CACNA2D3: variants seen among roughly 807,000 people sequenced by gnomAD.
CACNA2D3 encodes the protein calcium voltage-gated channel auxiliary subunit alpha2delta 3, also known as voltage-dependent calcium channel subunit alpha-2/delta-3.
CACNA2D3 carries 60 observed loss-of-function variants against 160.6 expected under a neutral mutation model. That is an observed-to-expected ratio of 0.37 (90% confidence interval 0.30 to 0.46). CACNA2D3 has a LOEUF of 0.46. CACNA2D3 is among the 20% of genes least tolerant of loss of function. The pLI is 1.00. For missense variants in CACNA2D3, 1,205 were observed against 1,365.0 expected (o/e 0.88, Z 1.85); for synonymous variants, 558 against 492.9 (o/e 1.13, Z -1.75).
At chr3:54,466,692 T>G (rs1184421442) in intron 4 of CACNA2D3, among the ~76,000 whole-genome samples, 1 of 152,196 alleles carries the variant, frequency 6.6e-6, no homozygotes, top group Non-Finnish European at 1.5e-5. Context: ...TGATATAAAA[T>G]AGTTGTAAAA....
chr3:54,161,176 A>G (rs1440902296), intron 2 of CACNA2D3, among the ~76,000 whole-genome samples: 1 of 152,160 alleles, frequency 6.6e-6, no homozygotes, highest in Non-Finnish European at 1.5e-5. Context: ...CTCTGCCAAT[A>G]TTACTAACCA....
intron 31 of CACNA2D3, among the ~76,000 whole-genome samples, chr3:54,993,552 G>T (rs993470159): frequency 3.3e-5 from 5 of 152,188 alleles, no homozygotes; most frequent in Non-Finnish European, 5.9e-5. Flanking sequence ...CAAGGAAAGA[G>T]CAAGAGCCTT....
chr3:54,298,729 C>T (rs1314896079), intron 2 of CACNA2D3, among the ~76,000 whole-genome samples: 1 of 151,914 alleles, frequency 6.6e-6, no homozygotes, highest in African/African-American at 2.4e-5. Context: ...ATTACCCAAG[C>T]CTGGGAAGAT....
chr3:54,544,836 T>C (rs1702035814), intron 5 of CACNA2D3, among the ~76,000 whole-genome samples: 1 of 152,212 alleles, frequency 6.6e-6, no homozygotes, highest in African/African-American at 2.4e-5. Flanking sequence ...GTAAATGCTA[T>C]TGAAATAGCA....
At chr3:54,667,926 G>A (rs1700096353) in intron 11 of CACNA2D3, among the ~76,000 whole-genome samples, 2 of 142,688 alleles carry the variant, frequency 1.4e-5, no homozygotes, top group South Asian at 2.4e-4. Context: ...CAGCCTGGGC[G>A]ACAGAATGAG....
chr3:54,489,152 C>T (rs541545468), intron 4 of CACNA2D3, among the ~76,000 whole-genome samples: 11 of 152,090 alleles, frequency 7.2e-5, no homozygotes, highest in South Asian at 6.2e-4. Context: ...CCTCATCAGC[C>T]GTGCTAAGGA....
intron 11 of CACNA2D3, among the ~76,000 whole-genome samples, chr3:54,685,608 G>A (rs1316357650): frequency 6.6e-6 from 1 of 152,190 alleles, no homozygotes; most frequent in Non-Finnish European, 1.5e-5. Flanking sequence ...CTCTTGACTA[G>A]CAATGTAATC....
intron 4 of CACNA2D3, among the ~76,000 whole-genome samples, chr3:54,451,588 G>A (rs1421405790): frequency 6.6e-6 from 1 of 152,156 alleles, no homozygotes; most frequent in Non-Finnish European, 1.5e-5. Flanking sequence ...TCCATAGGAA[G>A]TGTGTACAGT....
At chr3:55,042,186 T>C (rs1703972629) in intron 35 of CACNA2D3, among the ~76,000 whole-genome samples, 1 of 152,166 alleles carries the variant, frequency 6.6e-6, no homozygotes, top group African/African-American at 2.4e-5. Flanking sequence ...TGTTGAAATC[T>C]TCTGTATTCT....
At chr3:54,433,398 C>T (rs141216923) in intron 4 of CACNA2D3, among the ~76,000 whole-genome samples, 225 of 152,308 alleles carry the variant, frequency 1.5e-3, no homozygotes, top group African/African-American at 5.1e-3. Context: ...CTTTCATCTT[C>T]AGATATGTCT....
intron 5 of CACNA2D3, among the ~76,000 whole-genome samples, chr3:54,513,606 T>C (rs1049641507): frequency 5.9e-5 from 9 of 152,180 alleles, no homozygotes; most frequent in African/African-American, 1.9e-4. Flanking sequence ...CCACACTGCC[T>C]CCCTATACTG....
chr3:54,400,775 G>T (rs1699445682), intron 4 of CACNA2D3, among the ~76,000 whole-genome samples: 1 of 152,182 alleles, frequency 6.6e-6, no homozygotes, highest in South Asian at 2.1e-4. Flanking sequence ...AGTCTGTAAA[G>T]TTTGGAAGAG....
chr3:54,807,282 A>G (rs962561665), intron 13 of CACNA2D3, among the ~76,000 whole-genome samples: 4 of 152,226 alleles, frequency 2.6e-5, no homozygotes, highest in Non-Finnish European at 4.4e-5. Flanking sequence ...ACAAAATGGG[A>G]GAAAATTTTC....
chr3:54,739,281 A>C (rs1701592488), intron 11 of CACNA2D3, among the ~76,000 whole-genome samples: 1 of 151,910 alleles, frequency 6.6e-6, no homozygotes, highest in South Asian at 2.1e-4. Flanking sequence ...TTAGCTGAGC[A>C]TGGTGGTGTG....
At chr3:54,471,238 T>A (rs1437465523) in intron 4 of CACNA2D3, among the ~76,000 whole-genome samples, 1 of 152,152 alleles carries the variant, frequency 6.6e-6, no homozygotes, top group Non-Finnish European at 1.5e-5. Context: ...GAATTCAGGA[T>A]TAAGAAACTC....
In CACNA2D3 at chr3:54,454,564, A is replaced by G. The variant is rs115633677; in HGVS notation, c.382-48928A>G. ...CAGTGATTAAATCTCGGTAATCAGT[A>G]CATCCATCACCTCAAACATGTATCA... is the stretch of plus-strand genomic sequence containing the variant. On this transcript the variant is annotated intron_variant, in intron 4 of 37. Coordinates refer to ENST00000474759, the MANE Select transcript of CACNA2D3 (RefSeq NM_018398.3). 4.0e-3 allele frequency among the ~76,000 whole-genome samples: 603 copies of G among 152,180 alleles called. 5 individuals are homozygous for G. Among genetic ancestry groups the G allele is most frequent in the African/African-American group, 0.014 (572 of 41,566 alleles).
intron 4 of CACNA2D3, among the ~76,000 whole-genome samples, chr3:54,479,496 G>T (rs971600483): frequency 6.6e-6 from 1 of 152,118 alleles, no homozygotes; most frequent in Non-Finnish European, 1.5e-5. Context: ...GTAATTATAG[G>T]CCTTTCTGGA....
chr3:54,535,935 A>C (rs767448911), intron 5 of CACNA2D3, among the ~76,000 whole-genome samples: 5 of 152,180 alleles, frequency 3.3e-5, no homozygotes, highest in Non-Finnish European at 5.9e-5. Context: ...CACCAGGTAG[A>C]ATGACCCAAA....
At chr3:54,562,572 G>A (rs1702343639) in intron 5 of CACNA2D3, among the ~76,000 whole-genome samples, 1 of 152,166 alleles carries the variant, frequency 6.6e-6, no homozygotes, top group African/African-American at 2.4e-5. Context: ...TTCAAGTAAG[G>A]AACCATCAGT....
Sources: allele counts gnomAD v4.1 joint callset (sites outside exome capture counted in the v4.1 genomes callset), GRCh38; gene constraint gnomAD v4.1.1; transcripts MANE v1.5; gene names NCBI Gene and HGNC (gene_info 2026-07-23, HGNC 2026-07-21).